DNAH7: variants seen among roughly 807,000 people sequenced by gnomAD.
DNAH7 encodes the protein dynein axonemal heavy chain 7, also known as axonemal beta dynein heavy chain 7.
A neutral mutation model predicts 444.6 loss-of-function variants in DNAH7; 397 were observed. That is an observed-to-expected ratio of 0.89 (90% CI 0.82 to 0.97). DNAH7 has a LOEUF of 0.97. Among genes scored for constraint, DNAH7 ranks in the 50% least tolerant of loss-of-function variants. The pLI is 0.00. For missense variants in DNAH7, 4,902 were observed against 4,800.8 expected (o/e 1.02, Z -0.62); for synonymous variants, 1,636 against 1,624.4 (o/e 1.01, Z -0.17).
intron 3 of DNAH7, among the ~76,000 whole-genome samples, chr2:196,050,867 C>T (rs1697422429): frequency 6.6e-6 from 1 of 152,212 alleles, no homozygotes. Context: ...AAGTGACTCC[C>T]CAAAGGGCAC....
intron 48 of DNAH7, among the ~76,000 whole-genome samples, chr2:195,831,478 A>G (rs1287487399): frequency 2.0e-5 from 3 of 152,244 alleles, no homozygotes; most frequent in Non-Finnish European, 4.4e-5. Context: ...ATATCTAAAC[A>G]TAACTCCTTA....
chr2:195,924,732 G>C (rs1352381838), intron 22 of DNAH7, among the ~76,000 whole-genome samples: 1 of 151,988 alleles, frequency 6.6e-6, no homozygotes, highest in Non-Finnish European at 1.5e-5. Flanking sequence ...AAAGGGGTTT[G>C]TGCTTCTTGA....
At chr2:195,889,643 A>G (rs971281967) in intron 31 of DNAH7, among the ~76,000 whole-genome samples, 15 of 152,318 alleles carry the variant, frequency 9.8e-5, no homozygotes, top group South Asian at 2.1e-4. Flanking sequence ...GAATTCAAAT[A>G]TATTAACATG....
intron 49 of DNAH7, among the ~76,000 whole-genome samples, chr2:195,821,387 C>A (rs1348180471): frequency 2.6e-5 from 4 of 152,120 alleles, no homozygotes; most frequent in Non-Finnish European, 4.4e-5. Flanking sequence ...TCCTGGTGGG[C>A]AGGTCTTTGC....
chr2:195,751,583 C>T (rs998957198), intron 63 of DNAH7, among the ~76,000 whole-genome samples: 1 of 152,074 alleles, frequency 6.6e-6, no homozygotes, highest in Non-Finnish European at 1.5e-5. Context: ...AGTTAATAAG[C>T]AGAGTCGCAA....
At chr2:195,860,023 A>G (rs963773107) in intron 42 of DNAH7, among the ~76,000 whole-genome samples, 1 of 152,190 alleles carries the variant, frequency 6.6e-6, no homozygotes, top group African/African-American at 2.4e-5. Flanking sequence ...AGTTGAGGTA[A>G]AGGATAATTT....
Position 195,809,756 on chromosome 2 carries a change from G to A in DNAH7, c.9877C>T (p.His3293Tyr), listed in dbSNP as rs1468124189. 1 of 1,587,032 alleles carries A rather than the reference G, an allele frequency of 6.3e-7. No individual in the cohort carries two copies. Among genetic ancestry groups the A allele is most frequent in the Non-Finnish European group, 8.6e-7 (1 of 1,167,030 alleles). ...SFCLTINLLLHERAINKAEWR... is the reference protein window; with the variant it reads ...SFCLTINLLLYERAINKAEWR... ...AAAACAGTACTGACCGCCCGCTCAT[G>A]CAGCAGTAGATTTATGGTTAGACAA... Residue 3293 changes from histidine (H) to tyrosine (Y), a missense_variant, in exon 52 of 65, where the codon CAT becomes TAT. Coordinates refer to ENST00000312428, the MANE Select transcript of DNAH7 (RefSeq NM_018897.3).
chr2:196,032,869 A>G (rs1696143082), intron 5 of DNAH7, among the ~76,000 whole-genome samples: 1 of 152,220 alleles, frequency 6.6e-6, no homozygotes, highest in African/African-American at 2.4e-5. Flanking sequence ...CCCGAACAAA[A>G]TACTAGCAAA....
rs182660643 is a variant in DNAH7 at position 195,913,818 on chromosome 2, C to T, written c.3936-3623G>A. ...CAACCCTCCGCCTCCCGGGTTCAAG[C>T]GATTCTCCTGCCTCAGCCTCCCAAG... On this transcript the variant is annotated intron_variant, in intron 24 of 64. Coordinates refer to ENST00000312428, the MANE Select transcript of DNAH7 (RefSeq NM_018897.3). 9.6e-3 allele frequency among the ~76,000 whole-genome samples: 1,457 copies of T among 152,226 alleles called. 25 individuals are homozygous for T. Among genetic ancestry groups the T allele is most frequent in the African/African-American group, 0.033 (1,361 of 41,534 alleles).
intron 58 of DNAH7, among the ~76,000 whole-genome samples, chr2:195,781,797 T>C (rs182897053): frequency 9.2e-5 from 14 of 152,128 alleles, no homozygotes; most frequent in African/African-American, 2.2e-4. Flanking sequence ...AAAAGTAAGC[T>C]GAAGATAAAT....
At chr2:195,745,920 G>A (rs550859636) in intron 63 of DNAH7, among the ~76,000 whole-genome samples, 1 of 152,278 alleles carries the variant, frequency 6.6e-6, no homozygotes, top group South Asian at 2.1e-4. Context: ...GACCATCAAG[G>A]CTAGGAAGAA....
intron 31 of DNAH7, among the ~76,000 whole-genome samples, chr2:195,889,251 T>C (rs1701877718): frequency 6.6e-6 from 1 of 152,064 alleles, no homozygotes; most frequent in African/African-American, 2.4e-5. Flanking sequence ...TCTTGCTTCC[T>C]TCCTTCCTTT....
At chr2:195,892,669 G>A (rs982737039) in intron 30 of DNAH7, 2 of 151,882 alleles carry the variant, frequency 1.3e-5, no homozygotes, top group African/African-American at 4.8e-5. Flanking sequence ...ATTAACTAAA[G>A]TCTATAGTTT....
chr2:195,831,030 G>C (rs1455294747), intron 48 of DNAH7, among the ~76,000 whole-genome samples: 1 of 152,150 alleles, frequency 6.6e-6, no homozygotes, highest in African/African-American at 2.4e-5. Flanking sequence ...ATACAAGGGG[G>C]AAAGAAAAGT....
chr2:195,783,946 A>G (rs906784285), intron 58 of DNAH7, among the ~76,000 whole-genome samples: 1 of 152,140 alleles, frequency 6.6e-6, no homozygotes, highest in Non-Finnish European at 1.5e-5. Context: ...TTTAAAGAAC[A>G]GTTTTAGGTT....
chr2:195,923,527 A>G, intron 23 of DNAH7, 68 bp downstream of exon 23: 1 of 1,482,058 alleles, frequency 6.7e-7, no homozygotes, highest in South Asian at 1.2e-5. Context: ...CATGTGAGCA[A>G]GCAAGCACAA....
chr2:195,976,281 T>C (rs1052133533), intron 15 of DNAH7, among the ~76,000 whole-genome samples: 18 of 152,276 alleles, frequency 1.2e-4, no homozygotes, highest in Admixed American at 1.0e-3. Flanking sequence ...ACATTGGCTG[T>C]GGCCTGGCAA....
intron 29 of DNAH7, among the ~76,000 whole-genome samples, chr2:195,895,939 A>G (rs926791292): frequency 1.1e-4 from 16 of 152,112 alleles, no homozygotes; most frequent in African/African-American, 3.1e-4. Flanking sequence ...AAAGTGCTAC[A>G]GTTTTTAAAT....
At chr2:195,791,222 C>T (rs2105982013) in intron 57 of DNAH7, among the ~76,000 whole-genome samples, 1 of 152,096 alleles carries the variant, frequency 6.6e-6, no homozygotes, top group Non-Finnish European at 1.5e-5. Flanking sequence ...AATCCCAGCA[C>T]TTTGGGAGGT....
Sources: gnomAD v4.1 joint callset for allele counts (sites outside exome capture counted in the v4.1 genomes callset) on GRCh38, gnomAD v4.1.1 for gene constraint, MANE v1.5 for transcripts, NCBI Gene and HGNC (gene_info 2026-07-23, HGNC 2026-07-21) for gene names.